The following CHST9 variants were observed in gnomAD, a reference collection of about 807,000 sequenced individuals.
The protein encoded by CHST9 is GalNAc-4-sulfotransferase 2.
In CHST9, 41 loss-of-function variants were observed where a neutral mutation model predicts 44.4. The ratio of observed to expected loss-of-function variants is 0.92; its 90% CI spans 0.72 to 1.20. CHST9 has a LOEUF of 1.20. Ranked by LOEUF, CHST9 falls within the 50% of genes most tolerant of loss-of-function variation. The pLI is 0.00. For synonymous variants in CHST9, 171 were observed against 178.4 expected, an observed-to-expected ratio of 0.96 and a Z score of 0.33; for missense variants, 504 against 516.5, an observed-to-expected ratio of 0.98 and a Z score of 0.23.
chr18:27,179,104 C>CTATA (rs755634547), intron 1 of CHST9, among the ~76,000 whole-genome samples: 7 of 135,796 alleles, frequency 5.2e-5, no homozygotes, highest in East Asian at 2.1e-4. Context: ...CTCTCTCTCT[C>CTATA]TATATATATA....
At chr18:27,055,596 G>A (rs540800428) in intron 2 of CHST9, among the ~76,000 whole-genome samples, 1 of 152,224 alleles carries the variant, frequency 6.6e-6, no homozygotes, top group African/African-American at 2.4e-5. Flanking sequence ...TTAGAAAAGT[G>A]GGATGTGGAA....
At position 26,916,480 on chromosome 18, in the gene CHST9, C is replaced by T. The variant is rs775869190; in HGVS notation, c.1111G>A (p.Glu371Lys). The change falls in exon 6 of 6, where the codon GAG becomes AAG. Residue 371 changes from glutamate (E) to lysine (K), a missense_variant. Coordinates refer to ENST00000618847, the MANE Select transcript of CHST9 (RefSeq NM_031422.6). Reference sequence around the variant, plus strand: ...TAATTGGCATCTTCTTCCAAAGTCTCAAATTTCCCTACAAAATCATAGTTG... The same window carrying T: ...TAATTGGCATCTTCTTCCAAAGTCTTAAATTTCCCTACAAAATCATAGTTG... Reference protein sequence around the residue: ...LINYDFVGKFETLEEDANYFL... With the variant: ...LINYDFVGKFKTLEEDANYFL... 38 of 1,613,652 alleles carry T rather than the reference C, an allele frequency of 2.4e-5. No homozygotes were observed. The highest frequency in any genetic ancestry group is 3.1e-5 in the Non-Finnish European group (36 of 1,179,742).
intron 2 of CHST9, among the ~76,000 whole-genome samples, chr18:27,084,926 G>T (rs8099541): frequency 1.6e-4 from 25 of 151,816 alleles, no homozygotes; most frequent in African/African-American, 5.8e-4. Flanking sequence ...ATCAGGAGCA[G>T]GTTGTTTAAT....
intron 4 of CHST9, among the ~76,000 whole-genome samples, chr18:26,966,586 C>T (rs1237458676): frequency 1.3e-5 from 2 of 152,130 alleles, no homozygotes; most frequent in African/African-American, 4.8e-5. Context: ...ACTACACACA[C>T]GTTCATGTGT....
intron 5 of CHST9, chr18:26,930,614 GGGTACTGGA>G (rs1359964341): frequency 1.3e-5 from 2 of 153,676 alleles, no homozygotes; most frequent in Non-Finnish European, 2.9e-5. Flanking sequence ...TCAATTAAAT[GGGTACTGGA>G]GGCAGCCATG....
intron 3 of CHST9, among the ~76,000 whole-genome samples, chr18:27,043,039 C>A (rs1040249470): frequency 1.3e-5 from 2 of 152,018 alleles, no homozygotes; most frequent in African/African-American, 4.8e-5. Flanking sequence ...CAGGTTTGAC[C>A]AGTCCCTCCT....
At chr18:27,084,121 C>G (rs1349562610) in intron 2 of CHST9, among the ~76,000 whole-genome samples, 1 of 149,320 alleles carries the variant, frequency 6.7e-6, no homozygotes, top group Non-Finnish European at 1.5e-5. Context: ...TTGCTTGTGT[C>G]TCTGCCAGAT....
At chr18:26,990,518 A>G (rs1404431198) in intron 4 of CHST9, among the ~76,000 whole-genome samples, 1 of 152,216 alleles carries the variant, frequency 6.6e-6, no homozygotes, top group Non-Finnish European at 1.5e-5. Flanking sequence ...ACTTCCAAAA[A>G]TAATCTGTAG....
intron 4 of CHST9, among the ~76,000 whole-genome samples, chr18:26,964,579 C>T (rs1157017574): frequency 2.6e-5 from 4 of 152,244 alleles, no homozygotes; most frequent in African/African-American, 4.8e-5. Context: ...AACAGGTATG[C>T]CTCTGTATTT....
intron 5 of CHST9, chr18:26,933,475 CG>C (rs1397817432): frequency 8.5e-5 from 13 of 153,480 alleles, no homozygotes; most frequent in African/African-American, 2.9e-4. Flanking sequence ...CTGCAGCAAC[CG>C]TGAGAACCTC....
chr18:27,066,545 G>T (rs972221591), intron 2 of CHST9, among the ~76,000 whole-genome samples: 16 of 152,038 alleles, frequency 1.1e-4, no homozygotes, highest in Admixed American at 6.6e-5. Flanking sequence ...CCTTGCCTTA[G>T]CCTCCCTCCC....
At chr18:26,925,180 G>A (rs551707726) in intron 5 of CHST9, among the ~76,000 whole-genome samples, 10 of 152,240 alleles carry the variant, frequency 6.6e-5, no homozygotes, top group African/African-American at 1.9e-4. Flanking sequence ...ATCCTGGCTC[G>A]CAGGTGAGGG....
intron 2 of CHST9, among the ~76,000 whole-genome samples, chr18:27,075,114 G>T (rs564077363): frequency 6.7e-6 from 1 of 149,838 alleles, no homozygotes; most frequent in Non-Finnish European, 1.5e-5. Context: ...TTTGACTAGC[G>T]TATATTGCAG....
chr18:27,159,169 A>C (rs2143921935), intron 1 of CHST9, among the ~76,000 whole-genome samples: 1 of 152,306 alleles, frequency 6.6e-6, no homozygotes, highest in South Asian at 2.1e-4. Context: ...TGTTTTAGAC[A>C]TCAAGTTCTT....
chr18:27,047,535 G>C (rs142423433), intron 3 of CHST9, among the ~76,000 whole-genome samples: 1 of 152,112 alleles, frequency 6.6e-6, no homozygotes, highest in Non-Finnish European at 1.5e-5. Flanking sequence ...GATTGGAAAG[G>C]ACAAAAGAGA....
intron 2 of CHST9, among the ~76,000 whole-genome samples, chr18:27,118,106 T>C (rs1320037431): frequency 2.0e-5 from 3 of 152,200 alleles, no homozygotes; most frequent in African/African-American, 7.2e-5. Context: ...CAGTGGTATT[T>C]TACTGTTTTA....
chr18:27,048,354 A>G (rs1405461043), intron 3 of CHST9, 111 bp downstream of exon 3: 7 of 822,000 alleles, frequency 8.5e-6, no homozygotes, highest in Non-Finnish European at 1.4e-5. Flanking sequence ...TCAGTTCAAA[A>G]ACCATAAACT....
intron 5 of CHST9, among the ~76,000 whole-genome samples, chr18:26,938,294 T>C (rs2145103686): frequency 6.6e-6 from 1 of 152,326 alleles, no homozygotes; most frequent in South Asian, 2.1e-4. Flanking sequence ...AAAGACATCT[T>C]TTATAAATTC....
intron 1 of CHST9, among the ~76,000 whole-genome samples, chr18:27,145,623 A>T (rs1266503912): frequency 6.6e-6 from 1 of 152,212 alleles, no homozygotes; most frequent in Non-Finnish European, 1.5e-5. Flanking sequence ...TTAACATTTC[A>T]CTAGTGCTTT....
Sources: gnomAD v4.1 joint callset for allele counts (sites outside exome capture counted in the v4.1 genomes callset) on GRCh38, gnomAD v4.1.1 for gene constraint, MANE v1.5 for transcripts, NCBI Gene and HGNC (gene_info 2026-07-23, HGNC 2026-07-21) for gene names.